NOVA1: variants seen among roughly 807,000 people sequenced by gnomAD.
NOVA1 encodes RNA-binding protein Nova-1.
NOVA1 carries 7 observed loss-of-function variants against 38.0 expected under a neutral mutation model. The observed-to-expected ratio is 0.18, with a 90% CI of 0.10 to 0.35. The LOEUF (loss-of-function observed/expected upper bound fraction) is 0.35. Ranked by LOEUF, NOVA1 falls within the 10% of genes least tolerant of loss-of-function variation. The probability of loss-of-function intolerance (pLI) is 1.00; values close to 1 mark genes in which losing one functional copy is unlikely to be tolerated. For synonymous variants in NOVA1, 270 were observed against 232.5 expected (o/e 1.16, Z -1.47); for missense variants, 460 against 616.0 (o/e 0.75, Z 2.68).
At chr14:26,546,525 T>A (rs897779134) in intron 2 of NOVA1, among the ~76,000 whole-genome samples, 17 of 152,228 alleles carry the variant, frequency 1.1e-4, no homozygotes, top group African/African-American at 4.1e-4. Context: ...AAATGTATGT[T>A]CTTTAAAATT....
chr14:26,451,986 G>A (rs1403874415), intron 4 of NOVA1, among the ~76,000 whole-genome samples: 1 of 152,130 alleles, frequency 6.6e-6, no homozygotes, highest in East Asian at 1.9e-4. Context: ...TTGCATCTTA[G>A]TAATTATAAT....
In NOVA1 at chr14:26,487,399, A is replaced by G. The variant is rs531869503; in HGVS notation, c.281-7256T>C. ...TCATCCTTCCTTATCTTCATAAGCC[A>G]ATTTGTGATTTACAGAAGATATATA... On this transcript the variant is annotated intron_variant, in intron 2 of 4. Coordinates refer to ENST00000539517, the MANE Select transcript of NOVA1 (RefSeq NM_002515.3). Among the ~76,000 whole-genome samples, 34 of 152,258 alleles carry G rather than the reference A, an allele frequency of 2.2e-4. No homozygotes were observed. In the South Asian group the frequency reaches 7.0e-3, roughly 32 times the overall value.
intron 3 of NOVA1, among the ~76,000 whole-genome samples, chr14:26,475,975 C>G (rs75047228): frequency 1.3e-5 from 2 of 152,052 alleles, no homozygotes; most frequent in Non-Finnish European, 2.9e-5. Flanking sequence ...CAGCGACGAA[C>G]AACAAATCTC....
At position 26,445,388 on chromosome 14, in the gene NOVA1, T is replaced by C. The variant is rs1305548510; in HGVS notation, c.*2571A>G. ...TTTACACATAATGCATACAAACCCT[T>C]ATCTGTCACCATAAATTAAAATGTA... On this transcript the variant is annotated 3_prime_UTR_variant, in exon 5 of 5. Coordinates refer to ENST00000539517, the MANE Select transcript of NOVA1 (RefSeq NM_002515.3). 2.6e-5 allele frequency: 4 copies of C among 152,224 alleles called. No individual in the cohort carries two copies. The highest frequency in any genetic ancestry group is 2.6e-4 in the Admixed American group (4 of 15,280). 9.4% of individuals were successfully genotyped at this position (152,224 alleles called of 1,614,324 possible). A position where few individuals can be genotyped will look rare whatever the true frequency, so the allele number is the denominator to read the frequency against.
At chr14:26,572,758 G>GTGTGTGTGTGTGTA (rs1566548665) in intron 2 of NOVA1, among the ~76,000 whole-genome samples, 2 of 148,596 alleles carry the variant, frequency 1.3e-5, no homozygotes, top group South Asian at 4.3e-4. Flanking sequence ...GTGTGTGTGT[G>GTGTGTGTGTGTGTA]TGTGTGTATG....
intron 2 of NOVA1, among the ~76,000 whole-genome samples, chr14:26,488,142 C>T (rs186042286): frequency 6.6e-6 from 1 of 152,252 alleles, no homozygotes; most frequent in African/African-American, 2.4e-5. Flanking sequence ...ACACAATTAT[C>T]TCTCTACTTT....
intron 2 of NOVA1, among the ~76,000 whole-genome samples, chr14:26,584,789 C>T (rs1471501023): frequency 6.6e-6 from 1 of 151,418 alleles, no homozygotes; most frequent in Non-Finnish European, 1.5e-5. Flanking sequence ...CGAAATCTAA[C>T]CCCTCCTCCC....
chr14:26,536,283 C>G (rs1890093355), intron 2 of NOVA1, among the ~76,000 whole-genome samples: 1 of 151,386 alleles, frequency 6.6e-6, no homozygotes, highest in Non-Finnish European at 1.5e-5. Flanking sequence ...ACGAATAAGA[C>G]CTACTATTTG....
At chr14:26,513,163 T>C (rs956432172) in intron 2 of NOVA1, among the ~76,000 whole-genome samples, 1 of 151,982 alleles carries the variant, frequency 6.6e-6, no homozygotes, top group African/African-American at 2.4e-5. Context: ...AATGATCCTA[T>C]AATGTTCTTA....
chr14:26,456,399 T>A (rs562721933), intron 4 of NOVA1, among the ~76,000 whole-genome samples: 1 of 152,040 alleles, frequency 6.6e-6, no homozygotes, highest in South Asian at 2.1e-4. Flanking sequence ...GGAGTTAACA[T>A]ACAAATTGTA....
intron 4 of NOVA1, among the ~76,000 whole-genome samples, chr14:26,457,281 T>C (rs1883262941): frequency 1.3e-5 from 2 of 152,192 alleles, no homozygotes; most frequent in Non-Finnish European, 1.5e-5. Context: ...ATTCCAAATG[T>C]TGGGGATGTA....
chr14:26,585,905 G>A (rs1893487493), intron 2 of NOVA1, among the ~76,000 whole-genome samples: 1 of 151,246 alleles, frequency 6.6e-6, no homozygotes, highest in South Asian at 2.1e-4. Flanking sequence ...AAGTAAACTA[G>A]AAGTGTAATG....
At chr14:26,559,252 A>G (rs1292206379) in intron 2 of NOVA1, among the ~76,000 whole-genome samples, 1 of 152,138 alleles carries the variant, frequency 6.6e-6, no homozygotes, top group African/African-American at 2.4e-5. Context: ...AATATAAAAT[A>G]TACTGGTAGC....
At chr14:26,526,210 T>C (rs541139570) in intron 2 of NOVA1, among the ~76,000 whole-genome samples, 6 of 152,236 alleles carry the variant, frequency 3.9e-5, no homozygotes, top group Admixed American at 3.3e-4. Context: ...TAACTTAAAT[T>C]TGAGAAATGT....
intron 2 of NOVA1, among the ~76,000 whole-genome samples, chr14:26,539,183 C>A (rs1274624326): frequency 4.6e-5 from 7 of 152,104 alleles, no homozygotes; most frequent in African/African-American, 1.4e-4. Context: ...CTTCCTGTAT[C>A]CCCAGCATGC....
chr14:26,480,156 C>A lies in NOVA1; in HGVS notation c.281-13G>T. 1 of 1,585,492 alleles carries A rather than the reference C, an allele frequency of 6.3e-7. No homozygotes were observed. Among genetic ancestry groups the A allele is most frequent in the Non-Finnish European group, 8.6e-7 (1 of 1,164,934 alleles). ...CGCTCAGTAGTACCTGTGGATAAAACATTGATTTTCAGAAAATATTCCACA... is the reference window on the plus strand; with the variant it reads ...CGCTCAGTAGTACCTGTGGATAAAAAATTGATTTTCAGAAAATATTCCACA... On this transcript the variant is annotated splice_polypyrimidine_tract_variant and intron_variant, in intron 2 of 4. Transcript: ENST00000539517.
At chr14:26,515,203 G>A (rs1010285524) in intron 2 of NOVA1, among the ~76,000 whole-genome samples, 1 of 151,656 alleles carries the variant, frequency 6.6e-6, no homozygotes, top group South Asian at 2.1e-4. Context: ...TTGAAAATTC[G>A]CAGGTTCACA....
intron 2 of NOVA1, among the ~76,000 whole-genome samples, chr14:26,508,276 T>C (rs894257403): frequency 2.6e-5 from 4 of 152,048 alleles, no homozygotes; most frequent in South Asian, 2.1e-4. Flanking sequence ...AATGTTCTTA[T>C]AGAATTAGGA....
At chr14:26,548,981 T>C (rs6575031) in intron 2 of NOVA1, among the ~76,000 whole-genome samples, 30,651 of 151,778 alleles carry the variant, frequency 0.2, 3,328 homozygotes, top group East Asian at 0.33. Context: ...ACTAGCCAGT[T>C]GTGGTAGCGC....
Sources: gnomAD v4.1 joint callset for allele counts (sites outside exome capture counted in the v4.1 genomes callset) on GRCh38, gnomAD v4.1.1 for gene constraint, MANE v1.5 for transcripts, NCBI Gene and HGNC (gene_info 2026-07-23, HGNC 2026-07-21) for gene names.